The following NUCB1 variants were observed in gnomAD, a reference collection of about 807,000 sequenced individuals.
NUCB1 encodes the protein nucleobindin-1.
In NUCB1, 47 loss-of-function variants were observed where a neutral mutation model predicts 61.2. The observed-to-expected ratio is 0.77, with a 90% confidence interval of 0.61 to 0.98. The LOEUF is 0.98. Among genes scored for constraint, NUCB1 ranks in the 50% least tolerant of loss-of-function variants. NUCB1 has a pLI of 0.00. For synonymous variants in NUCB1, 234 were observed against 243.1 expected (o/e 0.96, Z 0.35); for missense variants, 583 against 605.3 (o/e 0.96, Z 0.39).
intron 4 of NUCB1, among the ~76,000 whole-genome samples, chr19:48,906,820 A>C (rs1372231607): frequency 6.6e-6 from 1 of 152,030 alleles, no homozygotes; most frequent in Non-Finnish European, 1.5e-5. Flanking sequence ...TCTAGTTAAC[A>C]TTTGCTCCAT....
chr19:48,918,580 C>T, intron 7 of NUCB1, 146 bp from the exon 8 acceptor site: 2 of 697,368 alleles, frequency 2.9e-6, no homozygotes, highest in Non-Finnish European at 5.3e-6. Flanking sequence ...GTACTAAAGC[C>T]TGGGGGCCAC....
At chr19:48,902,742 G>A (rs2037365876) in intron 2 of NUCB1, among the ~76,000 whole-genome samples, 1 of 152,004 alleles carries the variant, frequency 6.6e-6, no homozygotes, top group South Asian at 2.1e-4. Context: ...GAGCAAGGAA[G>A]AGAGGAAGTG....
At chr19:48,906,224 G>A (rs1287018678) in intron 4 of NUCB1, among the ~76,000 whole-genome samples, 2 of 151,962 alleles carry the variant, frequency 1.3e-5, no homozygotes, top group African/African-American at 4.8e-5. Flanking sequence ...GGCCAACATG[G>A]TGAAACCCCA....
chr19:48,919,420 C>T (rs1184640649), intron 10 of NUCB1, 134 bp downstream of exon 10: 2 of 564,362 alleles, frequency 3.5e-6, no homozygotes, highest in Non-Finnish European at 3.2e-6. Context: ...ATCTCTATCT[C>T]TGGGTCTCTG....
At chr19:48,914,069 G>A (rs1007626437) in intron 7 of NUCB1, among the ~76,000 whole-genome samples, 6 of 149,686 alleles carry the variant, frequency 4.0e-5, no homozygotes, top group African/African-American at 7.4e-5. Flanking sequence ...TCCGCCTCCC[G>A]GGTTCAAGTG....
Position 48,912,935 on chromosome 19 carries a change from G to A in NUCB1, c.481-76G>A, listed in dbSNP as rs1182671546. On this transcript the variant is annotated intron_variant, in intron 5 of 12. Transcript: ENST00000405315. The stretch of plus-strand genomic sequence containing the variant: ...TGCCCTCAGCCAGGTTCAGGGCCAA[G>A]GGCCTGCCATTTACAGGCTGGAATT... 28 of 1,207,838 alleles carry A rather than the reference G, an allele frequency of 2.3e-5. 1 individual carries two copies. The Admixed American group carries it at 6.1e-4, about 26-fold the overall frequency. The allele number at this position is 1,207,838 out of a possible 1,614,324, so 74.8% of individuals were successfully genotyped here.
chr19:48,910,567 C>G (rs1020014359), intron 4 of NUCB1, among the ~76,000 whole-genome samples: 2 of 151,600 alleles, frequency 1.3e-5, no homozygotes, highest in African/African-American at 4.8e-5. Context: ...TGGCATGCAC[C>G]TGTAGTCCCA....
chr19:48,911,357 T>C (rs1385903702), intron 5 of NUCB1, 105 bp downstream of exon 5: 1 of 756,918 alleles, frequency 1.3e-6, no homozygotes, highest in African/African-American at 1.8e-5. Flanking sequence ...CTGCTGGTGT[T>C]CTCTGAGGTT....
chr19:48,904,474 G>C lies in NUCB1; in HGVS notation c.243+20G>C. 1 of 1,517,522 alleles carries C rather than the reference G, an allele frequency of 6.6e-7. No homozygotes were observed. The highest frequency in any genetic ancestry group is 1.1e-5 in the South Asian group (1 of 88,874). 94.0% of individuals were successfully genotyped at this position (1,517,522 alleles called of 1,614,324 possible). The stretch of plus-strand genomic sequence containing the variant: ...ATCAAGGTGCGGCTGGGGGAGTGGG[G>C]GCTGTGGGAGGGGTACGTGCTGGGA... On this transcript the variant is annotated intron_variant, in intron 3 of 12. Transcript: ENST00000405315.
chr19:48,909,648 T>G (rs2037451314), intron 4 of NUCB1, among the ~76,000 whole-genome samples: 1 of 152,018 alleles, frequency 6.6e-6, no homozygotes, highest in Non-Finnish European at 1.5e-5. Context: ...CTCAAGTGAT[T>G]CTCCTGCCTT....
chr19:48,904,083 ATGGATGGATGGT>A (rs2037386886), intron 2 of NUCB1, among the ~76,000 whole-genome samples: 1 of 151,816 alleles, frequency 6.6e-6, no homozygotes. Context: ...GGATGCATGG[ATGGATGGATGGT>A]TGGATGGATG....
rs768196156 is a variant in NUCB1 at position 48,913,081 on chromosome 19, A to G, written c.551A>G (p.Glu184Gly). 1.2e-6 allele frequency: 2 copies of G among 1,613,788 alleles called. No individual in the cohort carries two copies. Among genetic ancestry groups the G allele is most frequent in the South Asian group, 2.2e-5 (2 of 91,070 alleles). ...TTCAAGCGCTACGAGATGCTTAAGGAACACGAGAGACGGCGTTATCTGGAG... is the reference window on the plus strand; with the variant it reads ...TTCAAGCGCTACGAGATGCTTAAGGGACACGAGAGACGGCGTTATCTGGAG... ...EEFKRYEMLK[E>G]HERRRYLESL... The change falls in exon 6 of 13, where the codon GAA becomes GGA. Residue 184 changes from glutamate to glycine, a missense_variant. Transcript: ENST00000405315.
intron 7 of NUCB1, among the ~76,000 whole-genome samples, chr19:48,915,173 A>G (rs892907291): frequency 2.0e-5 from 3 of 151,840 alleles, no homozygotes; most frequent in African/African-American, 7.3e-5. Context: ...ACAAAAGTGC[A>G]TCTCAGAATC....
At chr19:48,904,650 A>G (rs2122167863) in intron 3 of NUCB1, among the ~76,000 whole-genome samples, 196 bp downstream of exon 3, 1 of 151,938 alleles carries the variant, frequency 6.6e-6, no homozygotes, top group South Asian at 2.1e-4. Context: ...CAACCTCCCA[A>G]GTAGCTGGGA....
At chr19:48,919,691 T>C (rs2037586461) in intron 10 of NUCB1, among the ~76,000 whole-genome samples, 1 of 151,438 alleles carries the variant, frequency 6.6e-6, no homozygotes, top group Non-Finnish European at 1.5e-5. Context: ...TTGGCCAGGC[T>C]GGTCTCAAAC....
At chr19:48,918,567 G>A in intron 7 of NUCB1, 159 bp from the exon 8 acceptor site, 1 of 671,392 alleles carries the variant, frequency 1.5e-6, no homozygotes, top group South Asian at 1.7e-5. Flanking sequence ...CGGGTCTAGT[G>A]GGGTACTAAA....
intron 5 of NUCB1, among the ~76,000 whole-genome samples, 197 bp from the exon 6 acceptor site, chr19:48,912,813 CA>C: frequency 6.9e-6 from 1 of 144,864 alleles, no homozygotes; most frequent in Non-Finnish European, 1.5e-5. Flanking sequence ...CACCGCACTC[CA>C]GCCTGGGCAA....
At chr19:48,913,292 T>C in intron 6 of NUCB1, 96 bp downstream of exon 6, 1 of 1,319,764 alleles carries the variant, frequency 7.6e-7, no homozygotes, top group East Asian at 2.5e-5. Context: ...CAGGGGCCCT[T>C]GAGGCAAAAA....
chr19:48,912,896 G>A, intron 5 of NUCB1, 115 bp from the exon 6 acceptor site: 1 of 611,084 alleles, frequency 1.6e-6, no homozygotes, highest in Non-Finnish European at 2.7e-6. Flanking sequence ...AGAAAGACAG[G>A]TAGAGGCTGG....
Sources: gnomAD v4.1 joint callset for allele counts (sites outside exome capture counted in the v4.1 genomes callset) on GRCh38, gnomAD v4.1.1 for gene constraint, MANE v1.5 for transcripts, NCBI Gene and HGNC (gene_info 2026-07-23, HGNC 2026-07-21) for gene names.